The following PYCR3 variants were observed in gnomAD, a reference collection of about 807,000 sequenced individuals.
PYCR3 encodes the protein P5C reductase 3.
Under a neutral mutation model 23.4 loss-of-function variants are expected in PYCR3, and 26 were observed. The ratio of observed to expected loss-of-function variants is 1.11; its 90% CI spans 0.81 to 1.54. The LOEUF (loss-of-function observed/expected upper bound fraction) is 1.54, where lower values mean the gene tolerates loss of function less well. Among genes scored for constraint, PYCR3 ranks in the 40% most tolerant of loss-of-function variants. PYCR3 has a pLI of 0.00. For missense variants in PYCR3, 360 were observed against 376.3 expected (o/e 0.96, Z 0.36); for synonymous variants, 194 against 162.6 (o/e 1.19, Z -1.47).
chr8:143,608,502 G>A lies in PYCR3; in HGVS notation c.92-376C>T, dbSNP rs189930517. The stretch of plus-strand genomic sequence containing the variant: ...TGGTGGGTACAAAGGCAGTTGATTG[G>A]CCACAGAAGGCCCAATCGGGGCCCA... On this transcript the variant is annotated intron_variant, in intron 1 of 5. Transcript: ENST00000495276. 1,111 of 338,330 alleles carry A rather than the reference G, an allele frequency of 3.3e-3. 1 individual carries two copies. The highest frequency in any genetic ancestry group is 9.5e-3 in the Admixed American group (215 of 22,584). The allele number at this position is 338,330 out of a possible 1,614,324, so 21.0% of individuals were successfully genotyped here. A position where few individuals can be genotyped will look rare whatever the true frequency, so the allele number is the denominator to read the frequency against.
chr8:143,606,119 G>A lies in PYCR3; in HGVS notation c.585C>T (p.Ala195=), dbSNP rs142230567. The A allele has an allele frequency of 4.2e-5, 68 of 1,610,534 alleles. No homozygotes were observed. In the African/African-American group the frequency reaches 7.2e-4, roughly 17 times the overall value. ...GGCTGCTGGGCATGCCCATCTTGACGGCTCCTTCAGCCAGGGCCTCGGAGA... is the reference window on the plus strand; with the variant it reads ...GGCTGCTGGGCATGCCCATCTTGACAGCTCCTTCAGCCAGGGCCTCGGAGA... The part of the protein sequence containing the change: ...CAFSEALAEG[A]VKMGMPSSLA... The change falls in exon 5 of 6, where the codon GCC becomes GCT. Residue 195 remains alanine (A), a synonymous_variant. Transcript: ENST00000495276.
intron 5 of PYCR3, 35 bp from the exon 6 acceptor site, chr8:143,605,917 G>A (rs1252074161): frequency 6.3e-7 from 1 of 1,584,202 alleles, no homozygotes; most frequent in African/African-American, 1.3e-5. Flanking sequence ...GACGGGGGGA[G>A]GTGGTGCGGT....
rs893435518 is a variant in PYCR3 at position 143,609,454 on chromosome 8, C to T, written c.91+4G>A. ...ACCGCAGGCCTAGCCCCGCGCCGCC[C>T]CACCTGCTCTGATGAGGCCCTGCGC... On this transcript the variant is annotated splice_donor_region_variant and intron_variant, in intron 1 of 5. Coordinates refer to ENST00000495276, the MANE Select transcript of PYCR3 (RefSeq NM_023078.6). The T allele has an allele frequency of 1.7e-5, 26 of 1,499,008 alleles. No homozygotes were observed. The highest frequency in any genetic ancestry group is 2.3e-5 in the Non-Finnish European group (26 of 1,132,782). The allele number at this position is 1,499,008 out of a possible 1,614,324, so 92.9% of individuals were successfully genotyped here.
Position 143,606,475 on chromosome 8 carries a change from C to CGCCACT in PYCR3, c.535_540dup (p.Ser179_Gly180dup). 1 of 1,612,672 alleles carries CGCCACT rather than the reference C, an allele frequency of 6.2e-7. No homozygotes were observed. The highest frequency in any genetic ancestry group is 8.5e-7 in the Non-Finnish European group (1 of 1,179,952). On this transcript the variant is annotated inframe_insertion, in exon 4 of 6. Transcript: ENST00000495276. ...GACGAGGCAATACTCACGAAGGCCA[C>CGCCACT]GCCACTGCCACTGAGGCCAGTGTGG...
Position 143,605,149 on chromosome 8 carries a change from C to T in PYCR3, c.*551G>A. The T allele has an allele frequency of 8.6e-6, 3 of 350,170 alleles. No homozygotes were observed. Among genetic ancestry groups the T allele is most frequent in the Non-Finnish European group, 1.7e-5 (3 of 178,896 alleles). 21.7% of individuals were successfully genotyped at this position (350,170 alleles called of 1,614,324 possible). ...CCAGGCTGCAGGGCAGGCTCCAGCT[C>T]CCCATGGGGGCCCCATCAGGCCAGG... On this transcript the variant is annotated 3_prime_UTR_variant, in exon 6 of 6. Transcript: ENST00000495276.
rs376353524 is a variant in PYCR3 at position 143,608,073 on chromosome 8, A to G, written c.145T>C (p.Cys49Arg). The G allele has an allele frequency of 6.8e-6, 11 of 1,613,494 alleles. No individual in the cohort carries two copies. Among genetic ancestry groups the G allele is most frequent in the Non-Finnish European group, 9.3e-6 (11 of 1,179,508 alleles). The change falls in exon 2 of 6, where the codon TGT becomes CGT. Residue 49 changes from cysteine to arginine, a missense_variant. Physicochemically the swap from Cys to Arg is radical, Grantham distance 180. Coordinates refer to ENST00000495276, the MANE Select transcript of PYCR3 (RefSeq NM_023078.6). ...GGCTCTATGCTCACTTGAAAGTGAC[A>G]TAGGTTCCTGTCTGTTGGTGCACTG... ...LASAPTDRNL[C>R]HFQALGCRTT...
chr8:143,607,686 ACACACATGCACTGACATACATGCACTCAC>A (rs967458412), intron 2 of PYCR3, among the ~76,000 whole-genome samples: 1 of 152,178 alleles, frequency 6.6e-6, no homozygotes, highest in Non-Finnish European at 1.5e-5. Context: ...ACACACACGC[ACACACATGCACTGACATACATGCACTCAC>A]CACACGTGCA....
At position 143,605,099 on chromosome 8, in the gene PYCR3, A is replaced by G. The variant is rs1320359411; in HGVS notation, c.*601T>C. 2.7e-6 allele frequency: 1 copy of G among 367,610 alleles called. No individual in the cohort carries two copies. Among genetic ancestry groups the G allele is most frequent in the Non-Finnish European group, 5.4e-6 (1 of 185,866 alleles). The allele number at this position is 367,610 out of a possible 1,614,324, so 22.8% of individuals were successfully genotyped here. A position where few individuals can be genotyped will look rare whatever the true frequency, so the allele number is the denominator to read the frequency against. ...TCCTGCTCCTTAGCAGGGGATGAGCACGCCCACCACAGCCACCCTCTTCTC... is the reference window on the plus strand; with the variant it reads ...TCCTGCTCCTTAGCAGGGGATGAGCGCGCCCACCACAGCCACCCTCTTCTC... On this transcript the variant is annotated 3_prime_UTR_variant, in exon 6 of 6. Transcript: ENST00000495276.
rs761904971 is a variant in PYCR3 at position 143,605,425 on chromosome 8, GA to G, written c.*274del. 2 of 505,128 alleles carry G rather than the reference GA, an allele frequency of 4.0e-6. No homozygotes were observed. The highest frequency in any genetic ancestry group is 7.1e-6 in the Non-Finnish European group (2 of 282,450). The allele number at this position is 505,128 out of a possible 1,614,324, so 31.3% of individuals were successfully genotyped here. ...AAGACGCCATCTCTTGGGCCCCTCA[GA>G]ACCAATGTTGCAGCAAGGTGGGCTC... On this transcript the variant is annotated 3_prime_UTR_variant, in exon 6 of 6. Coordinates refer to ENST00000495276, the MANE Select transcript of PYCR3 (RefSeq NM_023078.6).
intron 1 of PYCR3, chr8:143,608,823 T>G (rs775528135): frequency 2.2e-6 from 1 of 456,600 alleles, no homozygotes; most frequent in South Asian, 1.5e-5. Flanking sequence ...CTCCTGAGAC[T>G]CATAGTAAGC....
Position 143,606,129 on chromosome 8 carries a change from G to T in PYCR3, c.575C>A (p.Ala192Asp), listed in dbSNP as rs780859850. The T allele has an allele frequency of 2.5e-6, 4 of 1,610,236 alleles. No individual in the cohort carries two copies. Among genetic ancestry groups the T allele is most frequent in the Non-Finnish European group, 2.5e-6 (3 of 1,178,956 alleles). ...AFVCAFSEAL[A>D]EGAVKMGMPS... Reference sequence around the variant, plus strand: ...CATGCCCATCTTGACGGCTCCTTCAGCCAGGGCCTCGGAGAATGCACACAC... The same window carrying T: ...CATGCCCATCTTGACGGCTCCTTCATCCAGGGCCTCGGAGAATGCACACAC... The change falls in exon 5 of 6, where the codon GCT (alanine) becomes GAT (aspartate). Residue 192 changes from alanine to aspartate, a missense_variant. Transcript: ENST00000495276.
chr8:143,607,847 A>C (rs1056223527), intron 2 of PYCR3, among the ~76,000 whole-genome samples: 3 of 152,130 alleles, frequency 2.0e-5, no homozygotes, highest in African/African-American at 7.2e-5. Context: ...TCACACATGC[A>C]TACACACACA....
rs1294718710 is a variant in PYCR3 at position 143,606,146 on chromosome 8, T to G, written c.558A>C (p.Ala186=). 1 of 1,608,406 alleles carries G rather than the reference T, an allele frequency of 6.2e-7. No individual in the cohort carries two copies. The highest frequency in any genetic ancestry group is 8.5e-7 in the Non-Finnish European group (1 of 1,178,268). The change falls in exon 5 of 6, where the codon GCA becomes GCC. Residue 186 remains alanine (A), a synonymous_variant. Transcript: ENST00000495276. ...LSGSGVAFVC[A]FSEALAEGAV... is the part of the protein sequence containing the mutation. ...CTCCTTCAGCCAGGGCCTCGGAGAA[T>G]GCACACACCTGTAGCCGCGGCATGG...
chr8:143,603,392 G>A lies in PYCR3; in HGVS notation c.*2308C>T, dbSNP rs115009553. Among the ~76,000 whole-genome samples, 689 of 152,324 alleles carry A rather than the reference G, an allele frequency of 4.5e-3. 3 individuals carry two copies. The highest frequency in any genetic ancestry group is 0.024 in the Middle Eastern group (7 of 294). On this transcript the variant is annotated 3_prime_UTR_variant, in exon 6 of 6. Transcript: ENST00000495276. ...GAAGAACAGTTTTCACCTGGAAGTA[G>A]AAGGCACAGGGGAGGCCTGGCTCAC... is the stretch of plus-strand genomic sequence containing the variant.
At chr8:143,608,211 C>A in intron 1 of PYCR3, 85 bp from the exon 2 acceptor site, 1 of 1,120,382 alleles carries the variant, frequency 8.9e-7, no homozygotes, top group Non-Finnish European at 1.3e-6. Flanking sequence ...CTTGGCCTCT[C>A]AGGCTCAGCC....
At chr8:143,609,017 T>A (rs1362571452) in intron 1 of PYCR3, 14 of 423,274 alleles carry the variant, frequency 3.3e-5, no homozygotes, top group Non-Finnish European at 4.8e-6. Flanking sequence ...TGATTTTGCC[T>A]GTCTCCTCCC....
At position 143,607,154 on chromosome 8, in the gene PYCR3, C is replaced by A. The variant is rs1158122679; in HGVS notation, c.157-22G>T. 2.6e-6 allele frequency: 4 copies of A among 1,527,702 alleles called. No homozygotes were observed. In the South Asian group the frequency reaches 4.9e-5, roughly 19 times the overall value. 94.6% of individuals were successfully genotyped at this position (1,527,702 alleles called of 1,614,324 possible). Reference sequence around the variant, plus strand: ...GAGCCTGCGCCAGGGACACCAGGACCAAGCCTCAGGGGCCATGTAAGCGGC... The same window carrying A: ...GAGCCTGCGCCAGGGACACCAGGACAAAGCCTCAGGGGCCATGTAAGCGGC... On this transcript the variant is annotated intron_variant, in intron 2 of 5. Coordinates refer to ENST00000495276, the MANE Select transcript of PYCR3 (RefSeq NM_023078.6).
At chr8:143,608,871 G>A (rs558232791) in intron 1 of PYCR3, 2 of 456,750 alleles carry the variant, frequency 4.4e-6, no homozygotes, top group East Asian at 1.4e-4. Flanking sequence ...GGACCCTGAA[G>A]TATGGCTGAA....
chr8:143,609,189 G>A (rs1587292004), intron 1 of PYCR3, among the ~76,000 whole-genome samples: 1 of 152,268 alleles, frequency 6.6e-6, no homozygotes, highest in East Asian at 1.9e-4. Context: ...GGCGCGCAAA[G>A]AGAAAATCAG....
Sources: allele counts gnomAD v4.1 joint callset (sites outside exome capture counted in the v4.1 genomes callset), GRCh38; gene constraint gnomAD v4.1.1; transcripts MANE v1.5; gene names NCBI Gene and HGNC (gene_info 2026-07-23, HGNC 2026-07-21).